The following PTAFR variants were observed in gnomAD, a reference collection of about 807,000 sequenced individuals.
The protein encoded by PTAFR is platelet-activating factor receptor.
PTAFR carries 8 observed loss-of-function variants against 14.7 expected under a neutral mutation model. The observed-to-expected ratio is 0.54, with a 90% CI of 0.32 to 0.98. The LOEUF is 0.98. Among genes scored for constraint, PTAFR ranks in the 50% least tolerant of loss-of-function variants. The probability of loss-of-function intolerance (pLI) is 0.04; values close to 1 mark genes in which losing one functional copy is unlikely to be tolerated. For missense variants in PTAFR, 337 were observed against 451.2 expected (o/e 0.75, Z 2.29); for synonymous variants, 156 against 176.5 (o/e 0.88, Z 0.92).
chr1:28,150,034 C>T lies in PTAFR; in HGVS notation c.988G>A (p.Val330Met). ...TTGCCAGGGATCTGGTTGAATGGCACAACCACTTCAGTGACCGTATCCGTG... is the reference window on the plus strand; with the variant it reads ...TTGCCAGGGATCTGGTTGAATGGCATAACCACTTCAGTGACCGTATCCGTG... ...ATTDTVTEVV[V>M]PFNQIPGNSL... The change falls in exon 2 of 2, where the codon GTG becomes ATG. Residue 330 changes from valine (V) to methionine (M), a missense_variant. Transcript: ENST00000373857. The surrounding 1 kb of genome is among the most constrained non-coding windows in gnomAD (Gnocchi z 6.3). The T allele has an allele frequency of 6.2e-7, 1 of 1,614,016 alleles. No homozygotes were observed. Among genetic ancestry groups the T allele is most frequent in the Non-Finnish European group, 8.5e-7 (1 of 1,179,940 alleles).
rs1448234536 is a variant in PTAFR, at chr1:28,148,327, T to C, written c.*1666A>G. On this transcript the variant is annotated 3_prime_UTR_variant, in exon 2 of 2. Transcript: ENST00000373857. ...TGCTCCTCCCACCTCCTGGAAGCTA[T>C]GTTAGGAGGACCCTCCCAGAGGGCA... 3.9e-5 allele frequency: 6 copies of C among 152,318 alleles called. No individual in the cohort carries two copies. The East Asian group carries it at 1.2e-3, about 29-fold the overall frequency. 9.4% of individuals were successfully genotyped at this position (152,318 alleles called of 1,614,324 possible).
chr1:28,191,781 G>C (rs1046673969), intron 1 of PTAFR, among the ~76,000 whole-genome samples: 3 of 151,330 alleles, frequency 2.0e-5, no homozygotes, highest in Admixed American at 6.6e-5. Context: ...AAAAAAAAGA[G>C]GCCAGGTGTG....
intron 1 of PTAFR, among the ~76,000 whole-genome samples, chr1:28,182,349 G>A (rs1572049049): frequency 1.4e-5 from 2 of 144,756 alleles, no homozygotes; most frequent in East Asian, 4.6e-4. Context: ...AAGAAAGAGA[G>A]AGAGAGAAAA....
intron 1 of PTAFR, among the ~76,000 whole-genome samples, chr1:28,185,370 T>A (rs1453399639): frequency 6.6e-6 from 1 of 152,172 alleles, no homozygotes; most frequent in Non-Finnish European, 1.5e-5. Context: ...ACTAGGGCAG[T>A]CCTGCACAAC....
chr1:28,157,960 A>G (rs969062281), intron 1 of PTAFR, among the ~76,000 whole-genome samples: 2 of 151,888 alleles, frequency 1.3e-5, no homozygotes, highest in African/African-American at 2.4e-5. Context: ...CCTTCTCACC[A>G]TGTGAACAGA....
At chr1:28,190,209 T>C (rs1646641612) in intron 1 of PTAFR, among the ~76,000 whole-genome samples, 1 of 149,202 alleles carries the variant, frequency 6.7e-6, no homozygotes, top group Non-Finnish European at 1.5e-5. Flanking sequence ...CGACCTCAGA[T>C]GATCCGCCTG....
At position 28,150,621 on chromosome 1, in the gene PTAFR, C is replaced by T. The variant is rs746212963; in HGVS notation, c.401G>A (p.Gly134Asp). ...CCAGATGACCAAGGACAAAGAGATG[C>T]CACGCTTGCGGGTGTTGGCCTGAGC... ...KTAQANTRKR[G>D]ISLSLVIWVA... is the part of the protein sequence containing the mutation. Residue 134 changes from glycine to aspartate, a missense_variant, in exon 2 of 2, where the codon GGC becomes GAC. Gly to Asp is a moderately conservative substitution (Grantham distance 94, BLOSUM62 -1). Coordinates refer to ENST00000373857, the MANE Select transcript of PTAFR (RefSeq NM_000952.5). The surrounding 1 kb of genome is among the most constrained non-coding windows in gnomAD (Gnocchi z 6.3). The T allele has an allele frequency of 1.9e-6, 3 of 1,614,164 alleles. No individual in the cohort carries two copies. The highest frequency in any genetic ancestry group is 2.5e-6 in the Non-Finnish European group (3 of 1,180,034).
Position 28,150,286 on chromosome 1 carries a change from C to G in PTAFR, c.736G>C (p.Val246Leu). 1 of 1,611,716 alleles carries G rather than the reference C, an allele frequency of 6.2e-7. No homozygotes were observed. The highest frequency in any genetic ancestry group is 1.1e-5 in the South Asian group (1 of 90,934). Reference protein sequence around the residue: ...TVLAVFIICFVPHHVVQLPWT... With the variant: ...TVLAVFIICFLPHHVVQLPWT... ...GGCAGCTGCACCACGTGGTGGGGCA[C>G]GAAGCAGATGATGAACACCGCCAAG... Residue 246 changes from valine (V) to leucine (L), a missense_variant, in exon 2 of 2, where the codon GTG (valine) becomes CTG (leucine). Physicochemically the swap from Val to Leu is conservative, Grantham distance 32 (BLOSUM62 1). Coordinates refer to ENST00000373857, the MANE Select transcript of PTAFR (RefSeq NM_000952.5). The surrounding 1 kb of genome is among the most constrained non-coding windows in gnomAD (Gnocchi z 6.3).
chr1:28,187,870 A>C (rs1646619701), intron 1 of PTAFR, among the ~76,000 whole-genome samples: 1 of 152,206 alleles, frequency 6.6e-6, no homozygotes, highest in African/African-American at 2.4e-5. Flanking sequence ...AAAACTGTAC[A>C]TTAAAAGACA....
At chr1:28,176,253 G>A (rs1646511805) in intron 1 of PTAFR, among the ~76,000 whole-genome samples, 1 of 151,808 alleles carries the variant, frequency 6.6e-6, no homozygotes, top group African/African-American at 2.4e-5. Context: ...GACCAGTCTG[G>A]GCAACAAGGC....
chr1:28,184,082 G>GTTT lies in PTAFR; in HGVS notation c.-39+9637_-39+9639dup, dbSNP rs1165813776. Among the ~76,000 whole-genome samples, 17 of 82,416 alleles carry GTTT rather than the reference G, an allele frequency of 2.1e-4. 3 individuals are homozygous for GTTT. The highest frequency in any genetic ancestry group is 8.3e-4 in the South Asian group (2 of 2,424). 54.1% of individuals were successfully genotyped at this position (82,416 alleles called of 152,430 possible). ...TCCATACTCACGTCCCCATTAGTCTGTTTTTTTTTTTTTTTTTTTTTTTTT... is the reference window on the plus strand; with the variant it reads ...TCCATACTCACGTCCCCATTAGTCTGTTTTTTTTTTTTTTTTTTTTTTTTTTTT... On this transcript the variant is annotated intron_variant, in intron 1 of 1. Coordinates refer to the PTAFR transcript ENST00000305392.
At chr1:28,158,028 G>T (rs1409619712) in intron 1 of PTAFR, among the ~76,000 whole-genome samples, 2 of 152,132 alleles carry the variant, frequency 1.3e-5, no homozygotes, top group Non-Finnish European at 2.9e-5. Context: ...GCATTCGTTG[G>T]ACAAGCACTC....
upstream of PTAFR, among the ~76,000 whole-genome samples, chr1:28,181,306 A>G (rs533302014): frequency 6.6e-6 from 1 of 152,256 alleles, no homozygotes; most frequent in South Asian, 2.1e-4. Context: ...CACCACCTAT[A>G]AAACAGTCTT....
chr1:28,185,037 G>T (rs1360790626), intron 1 of PTAFR, among the ~76,000 whole-genome samples: 1 of 152,070 alleles, frequency 6.6e-6, no homozygotes, highest in Non-Finnish European at 1.5e-5. Context: ...TTTCTCAGTG[G>T]GGCCTTTCCT....
chr1:28,185,201 CCTT>C (rs1398710264), intron 1 of PTAFR, among the ~76,000 whole-genome samples: 1 of 152,146 alleles, frequency 6.6e-6, no homozygotes, highest in Non-Finnish European at 1.5e-5. Flanking sequence ...ACTGTAATCT[CCTT>C]GAGTTTATTG....
chr1:28,191,960 A>C (rs926007707), intron 1 of PTAFR, among the ~76,000 whole-genome samples: 2 of 152,034 alleles, frequency 1.3e-5, no homozygotes, highest in African/African-American at 4.8e-5. Context: ...CCAGTTACTC[A>C]TGAAGGGACT....
chr1:28,155,948 G>T (rs567124382), intron 1 of PTAFR, among the ~76,000 whole-genome samples: 1 of 152,076 alleles, frequency 6.6e-6, no homozygotes, highest in South Asian at 2.1e-4. Flanking sequence ...TACTATATGC[G>T]GGGCTTTGAT....
At chr1:28,165,636 A>T (rs1335435428) in intron 1 of PTAFR, among the ~76,000 whole-genome samples, 3 of 151,578 alleles carry the variant, frequency 2.0e-5, no homozygotes, top group Admixed American at 1.3e-4. Flanking sequence ...ACAAAAAATT[A>T]GCCAGGCGTG....
chr1:28,169,940 C>T lies in PTAFR; in HGVS notation c.-39+6652G>A, dbSNP rs565564236. Reference sequence around the variant, plus strand: ...ACTTGAACCCAGGAGGCAGAGATTGCAGTGAGCCAAGATGACGCCATTGCA... The same window carrying T: ...ACTTGAACCCAGGAGGCAGAGATTGTAGTGAGCCAAGATGACGCCATTGCA... On this transcript the variant is annotated intron_variant, in intron 1 of 1. Coordinates refer to ENST00000373857, the MANE Select transcript of PTAFR (RefSeq NM_000952.5). Among the ~76,000 whole-genome samples, 4 of 150,130 alleles carry T rather than the reference C, an allele frequency of 2.7e-5. No individual in the cohort carries two copies. The East Asian group carries it at 7.9e-4, about 29-fold the overall frequency.
Sources: allele counts gnomAD v4.1 joint callset (sites outside exome capture counted in the v4.1 genomes callset), GRCh38; gene constraint gnomAD v4.1.1; non-coding constraint Gnocchi (gnomAD v3.1); transcripts MANE v1.5; gene names NCBI Gene and HGNC (gene_info 2026-07-23, HGNC 2026-07-21).